Variants in SP100 observed in about 807,000 individuals in gnomAD.
The protein encoded by SP100 is SP100 nuclear body protein, also known as nuclear autoantigen Sp-100.
Under a neutral mutation model 130.0 loss-of-function variants are expected in SP100, and 84 were observed. The ratio of observed to expected loss-of-function variants is 0.65; its 90% CI spans 0.54 to 0.77. The LOEUF (loss-of-function observed/expected upper bound fraction) is 0.77. Ranked by LOEUF, SP100 falls within the 30% of genes least tolerant of loss-of-function variation. The pLI is 0.00. For missense variants in SP100, 978 were observed against 1,052.2 expected (o/e 0.93, Z 0.97); for synonymous variants, 331 against 351.7 (o/e 0.94, Z 0.66).
intron 24 of SP100, among the ~76,000 whole-genome samples, chr2:230,532,374 C>T (rs1691739206): frequency 6.6e-6 from 1 of 151,968 alleles, no homozygotes; most frequent in South Asian, 2.1e-4. Context: ...CAGATCTTTT[C>T]CTTTAATGAG....
intron 17 of SP100, among the ~76,000 whole-genome samples, chr2:230,485,581 A>T (rs533259487): frequency 2.6e-5 from 4 of 152,296 alleles, no homozygotes; most frequent in Non-Finnish European, 4.4e-5. Context: ...TTCTTATTGC[A>T]TCTCCTATAA....
chr2:230,478,618 A>G (rs1348947951), intron 17 of SP100, among the ~76,000 whole-genome samples: 1 of 152,066 alleles, frequency 6.6e-6, no homozygotes, highest in Non-Finnish European at 1.5e-5. Context: ...TCCTTCCACA[A>G]CTATGGGTCG....
chr2:230,416,224 T>A lies in SP100; in HGVS notation c.-73T>A. Reference sequence around the variant, plus strand: ...CTGCTTGGGGCCTGGGCAGCCACACTGCACGCAGGCTGGGCCGACTGAGGG... The same window carrying A: ...CTGCTTGGGGCCTGGGCAGCCACACAGCACGCAGGCTGGGCCGACTGAGGG... On this transcript the variant is annotated 5_prime_UTR_variant, in exon 1 of 29. Coordinates refer to ENST00000340126, the MANE Select transcript of SP100 (RefSeq NM_001080391.2). 1 of 1,303,742 alleles carries A rather than the reference T, an allele frequency of 7.7e-7. No homozygotes were observed. Among genetic ancestry groups the A allele is most frequent in the Non-Finnish European group, 1.1e-6 (1 of 908,192 alleles). The allele number at this position is 1,303,742 out of a possible 1,614,324, so 80.8% of individuals were successfully genotyped here.
At chr2:230,477,862 G>C (rs1177260475) in intron 17 of SP100, among the ~76,000 whole-genome samples, 1 of 150,508 alleles carries the variant, frequency 6.6e-6, no homozygotes. Context: ...TTGAACCCGG[G>C]AGGCAGAGGT....
intron 4 of SP100, among the ~76,000 whole-genome samples, chr2:230,446,569 G>A (rs1246958550): frequency 6.6e-6 from 1 of 152,200 alleles, no homozygotes; most frequent in Non-Finnish European, 1.5e-5. Flanking sequence ...GGGTAACACA[G>A]CTCACAATGT....
intron 24 of SP100, among the ~76,000 whole-genome samples, chr2:230,530,103 A>T (rs1691629625): frequency 6.6e-6 from 1 of 152,240 alleles, no homozygotes; most frequent in Non-Finnish European, 1.5e-5. Context: ...TGGAACCAAA[A>T]ATGAGCCCAC....
chr2:230,418,016 C>A (rs1002459347), intron 2 of SP100, among the ~76,000 whole-genome samples: 3 of 152,080 alleles, frequency 2.0e-5, no homozygotes, highest in Non-Finnish European at 2.9e-5. Flanking sequence ...CCTCTGTGAG[C>A]ACTCTTAGTT....
intron 24 of SP100, chr2:230,515,193 A>G: frequency 6.2e-7 from 1 of 1,613,760 alleles, no homozygotes; most frequent in Non-Finnish European, 8.5e-7. Context: ...CTAAAGAGAA[A>G]GGAAAATTTG....
chr2:230,455,147 T>A (rs759070954), intron 8 of SP100, among the ~76,000 whole-genome samples: 1 of 152,168 alleles, frequency 6.6e-6, no homozygotes, highest in Non-Finnish European at 1.5e-5. Context: ...CAATCATGGC[T>A]CGCTGCAGCC....
chr2:230,431,162 G>A (rs2063088380), intron 2 of SP100, among the ~76,000 whole-genome samples: 1 of 152,242 alleles, frequency 6.6e-6, no homozygotes, highest in Non-Finnish European at 1.5e-5. Flanking sequence ...GTACCAGCAT[G>A]ACAATCTCTG....
intron 8 of SP100, 74 bp downstream of exon 8, chr2:230,450,329 TG>T (rs2149925935): frequency 8.8e-7 from 1 of 1,134,728 alleles, no homozygotes; most frequent in Non-Finnish European, 1.3e-6. Context: ...GTTGGTTGGT[TG>T]GTTGTTGTTT....
At chr2:230,418,587 C>A (rs1559477368) in intron 2 of SP100, among the ~76,000 whole-genome samples, 4 of 147,058 alleles carry the variant, frequency 2.7e-5, no homozygotes, top group Admixed American at 2.0e-4. Flanking sequence ...TCTGGATGAA[C>A]TTTTTTTCTT....
chr2:230,516,748 G>A (rs760654321), intron 24 of SP100, among the ~76,000 whole-genome samples: 7 of 152,046 alleles, frequency 4.6e-5, no homozygotes, highest in South Asian at 2.1e-4. Context: ...ATTTTAAAAC[G>A]GTAACTGTGG....
rs367599320 is a variant in SP100, at chr2:230,541,914, C to T, written c.2426C>T (p.Pro809Leu). The stretch of plus-strand genomic sequence containing the variant: ...CAGAACAGAGAGGGGTCTCAGGGCC[C>T]ACAGAAGCCCATGTGGTTAAACAAA... ...PYYNREGSQGPQKPMWLNKVK... is the reference protein window; with the variant it reads ...PYYNREGSQGLQKPMWLNKVK... The change falls in exon 28 of 29, where the codon CCA becomes CTA. Residue 809 changes from proline to leucine, a missense_variant. Pro to Leu is a moderately conservative substitution (Grantham distance 98). Transcript: ENST00000340126. The T allele has an allele frequency of 6.3e-5, 102 of 1,613,866 alleles. 2 individuals carry two copies. The South Asian group carries it at 1.1e-3, about 18-fold the overall frequency.
At chr2:230,469,574 A>G (rs1559505897) in intron 14 of SP100, 1 of 448,110 alleles carries the variant, frequency 2.2e-6, no homozygotes, top group Admixed American at 2.6e-5. Flanking sequence ...TGAATGAGAT[A>G]GGAGAAAACG....
intron 28 of SP100, 27 bp from the exon 29 acceptor site, chr2:230,542,809 A>C: frequency 7.3e-7 from 1 of 1,370,518 alleles, no homozygotes; most frequent in Non-Finnish European, 1.0e-6. Flanking sequence ...CATAACTGCT[A>C]TATTGTTTTT....
At chr2:230,472,622 C>G (rs1481779598) in intron 15 of SP100, among the ~76,000 whole-genome samples, 4 of 151,432 alleles carry the variant, frequency 2.6e-5, no homozygotes, top group Admixed American at 1.3e-4. Flanking sequence ...TTAGGTACAA[C>G]AAGAAGTATG....
intron 15 of SP100, 117 bp downstream of exon 15, chr2:230,470,215 A>G: frequency 7.3e-7 from 1 of 1,376,452 alleles, no homozygotes; most frequent in Non-Finnish European, 9.5e-7. Flanking sequence ...TATCCAGTTC[A>G]TCTGGGAACT....
At chr2:230,526,863 C>A (rs912175244) in intron 24 of SP100, among the ~76,000 whole-genome samples, 8 of 151,896 alleles carry the variant, frequency 5.3e-5, no homozygotes, top group African/African-American at 1.9e-4. Context: ...AGTGAGAAGA[C>A]AAGACTAGAG....
Sources: gnomAD v4.1 joint callset for allele counts (sites outside exome capture counted in the v4.1 genomes callset) on GRCh38, gnomAD v4.1.1 for gene constraint, MANE v1.5 for transcripts, NCBI Gene and HGNC (gene_info 2026-07-23, HGNC 2026-07-21) for gene names.